SLC35F4: variants seen among roughly 807,000 people sequenced by gnomAD.
The protein encoded by SLC35F4 is solute carrier family 35 member F4.
SLC35F4 carries 24 observed loss-of-function variants against 44.2 expected under a neutral mutation model. The observed-to-expected ratio is 0.54, with a 90% CI of 0.39 to 0.76. The LOEUF is 0.76. Ranked by LOEUF, SLC35F4 falls within the 30% of genes least tolerant of loss-of-function variation. The pLI is 0.00. For synonymous variants in SLC35F4, 238 were observed against 223.6 expected (o/e 1.06, Z -0.57); for missense variants, 562 against 586.1 (o/e 0.96, Z 0.42).
intron 1 of SLC35F4, among the ~76,000 whole-genome samples, chr14:57,894,692 T>C (rs1376363590): frequency 6.6e-6 from 1 of 152,140 alleles, no homozygotes; most frequent in Non-Finnish European, 1.5e-5. Context: ...CAAAACTACT[T>C]ATATTCATGG....
intron 1 of SLC35F4, among the ~76,000 whole-genome samples, chr14:57,800,765 A>T (rs10135120): frequency 0.49 from 74,946 of 151,930 alleles, 21,275 homozygotes; most frequent in African/African-American, 0.77. Flanking sequence ...GGAAAAAAAA[A>T]CTCAGAGCTT....
chr14:57,750,768 CTT>C (rs2076865887), intron 1 of SLC35F4, among the ~76,000 whole-genome samples: 1 of 151,984 alleles, frequency 6.6e-6, no homozygotes, highest in Admixed American at 6.6e-5. Flanking sequence ...GTTGTTTGAA[CTT>C]TTTGTATATT....
rs531226883 is a variant in SLC35F4, at chr14:57,692,640, C to T, written c.104-98516G>A. Among the ~76,000 whole-genome samples the T allele has an allele frequency of 1.7e-4, 26 of 152,112 alleles. No individual in the cohort carries two copies. In the East Asian group the frequency reaches 3.5e-3, roughly 20 times the overall value. ...TTAAATTTTCTGCTTATTGCTGATA[C>T]GGAATTACAATTACCTAATTGTATA... On this transcript the variant is annotated intron_variant, in intron 1 of 7. Transcript: ENST00000556826.
chr14:57,898,089 G>T (rs1010006475), intron 1 of SLC35F4, among the ~76,000 whole-genome samples: 3 of 152,074 alleles, frequency 2.0e-5, no homozygotes, highest in African/African-American at 7.2e-5. Context: ...GTGAGTGATT[G>T]TTTTAAACAG....
At chr14:57,746,870 T>TAA (rs1320908300) in intron 1 of SLC35F4, among the ~76,000 whole-genome samples, 1 of 152,088 alleles carries the variant, frequency 6.6e-6, no homozygotes, top group Non-Finnish European at 1.5e-5. Flanking sequence ...TATAAAAGGG[T>TAA]AAAGAGTGCA....
At chr14:57,672,056 T>A (rs2074539691) in intron 1 of SLC35F4, among the ~76,000 whole-genome samples, 1 of 152,086 alleles carries the variant, frequency 6.6e-6, no homozygotes, top group Admixed American at 6.6e-5. Flanking sequence ...AATAAAAACA[T>A]CTCATGGCTT....
intron 1 of SLC35F4, among the ~76,000 whole-genome samples, chr14:57,925,531 GAGGGAGGGAGGGAGGA>G (rs1319819801): frequency 0.013 from 963 of 72,328 alleles, 28 homozygotes; most frequent in African/African-American, 0.031. Context: ...GGGAGGGAGG[GAGGGAGGGAGGGAGGA>G]AGGAAGGAAG....
At chr14:57,896,117 T>A (rs888707889) in intron 1 of SLC35F4, among the ~76,000 whole-genome samples, 1 of 152,132 alleles carries the variant, frequency 6.6e-6, no homozygotes, top group Non-Finnish European at 1.5e-5. Context: ...TCTCCTTTAG[T>A]AAGTAAATTC....
In SLC35F4 at chr14:57,569,842, A is replaced by G. The variant is rs1405872268; in HGVS notation, c.1072T>C (p.Ser358Pro). 6.2e-7 allele frequency: 1 copy of G among 1,611,670 alleles called. No individual in the cohort carries two copies. Among genetic ancestry groups the G allele is most frequent in the Admixed American group, 1.7e-5 (1 of 59,778 alleles). ...LYFTKVEHWS[S>P]FAALPWGCLC... is the part of the protein sequence containing the mutation. The stretch of plus-strand genomic sequence containing the variant: ...CAGCCCCATGGCAGAGCAGCAAAAG[A>G]GGACCAGTGCTCCACCTTGGTGAAA... Residue 358 changes from serine to proline, a missense_variant, in exon 6 of 8, where the codon TCT (serine) becomes CCT (proline). Coordinates refer to ENST00000556826, the MANE Select transcript of SLC35F4 (RefSeq NM_001306087.2).
intron 1 of SLC35F4, among the ~76,000 whole-genome samples, chr14:57,910,773 G>T (rs1228357991): frequency 6.6e-6 from 1 of 151,866 alleles, no homozygotes; most frequent in Non-Finnish European, 1.5e-5. Context: ...AGGCTCTCTT[G>T]CCTCTTCATA....
At chr14:57,890,206 G>C (rs1669184424) in intron 1 of SLC35F4, among the ~76,000 whole-genome samples, 1 of 152,082 alleles carries the variant, frequency 6.6e-6, no homozygotes, top group Non-Finnish European at 1.5e-5. Flanking sequence ...AATACTGATG[G>C]GCAAACATGT....
At chr14:57,732,841 C>T (rs1214987571) in intron 1 of SLC35F4, among the ~76,000 whole-genome samples, 1 of 152,162 alleles carries the variant, frequency 6.6e-6, no homozygotes, top group African/African-American at 2.4e-5. Context: ...ATTTCTAACA[C>T]TTTGAAACCA....
At chr14:57,962,404 A>G (rs1344566826) in intron 1 of SLC35F4, among the ~76,000 whole-genome samples, 1 of 152,204 alleles carries the variant, frequency 6.6e-6, no homozygotes, top group African/African-American at 2.4e-5. Context: ...CCCTGTGAGC[A>G]GCCCTGGCAG....
intron 1 of SLC35F4, among the ~76,000 whole-genome samples, chr14:57,640,336 C>T (rs893202222): frequency 6.6e-6 from 1 of 151,378 alleles, no homozygotes; most frequent in African/African-American, 2.4e-5. Context: ...AAAGTACTGA[C>T]AAAAAAGAGA....
intron 1 of SLC35F4, among the ~76,000 whole-genome samples, chr14:57,833,477 C>T (rs1884588929): frequency 6.6e-6 from 1 of 152,196 alleles, no homozygotes; most frequent in African/African-American, 2.4e-5. Flanking sequence ...ACACAGAAGA[C>T]TGGGCTCTGT....
chr14:57,594,353 C>A (rs966252004), intron 1 of SLC35F4, among the ~76,000 whole-genome samples: 4 of 152,086 alleles, frequency 2.6e-5, no homozygotes, highest in African/African-American at 9.7e-5. Flanking sequence ...CCACACCCAG[C>A]TAATTTTGTA....
chr14:57,752,507 C>G (rs2076908704), intron 1 of SLC35F4, among the ~76,000 whole-genome samples: 1 of 151,372 alleles, frequency 6.6e-6, no homozygotes, highest in Non-Finnish European at 1.5e-5. Context: ...TGTCGCCAGG[C>G]CGGAGTGCAG....
At chr14:57,743,009 G>A (rs899225402) in intron 1 of SLC35F4, among the ~76,000 whole-genome samples, 1 of 152,152 alleles carries the variant, frequency 6.6e-6, no homozygotes, top group Non-Finnish European at 1.5e-5. Flanking sequence ...AAATAAAGAT[G>A]TTCTTTGAAA....
At chr14:57,692,486 A>G (rs1246429625) in intron 1 of SLC35F4, among the ~76,000 whole-genome samples, 1 of 152,114 alleles carries the variant, frequency 6.6e-6, no homozygotes, top group East Asian at 1.9e-4. Context: ...GTTTGTCAAT[A>G]ATTGATTTTA....
Sources: gnomAD v4.1 joint callset for allele counts (sites outside exome capture counted in the v4.1 genomes callset) on GRCh38, gnomAD v4.1.1 for gene constraint, MANE v1.5 for transcripts, NCBI Gene and HGNC (gene_info 2026-07-23, HGNC 2026-07-21) for gene names.